The following FBXL7 variants were observed in gnomAD, a reference collection of about 807,000 sequenced individuals.
FBXL7 encodes F-box and leucine rich repeat protein 7.
FBXL7 carries 12 observed loss-of-function variants against 38.3 expected under a neutral mutation model. The ratio of observed to expected loss-of-function variants is 0.31; its 90% CI spans 0.20 to 0.51. The LOEUF (loss-of-function observed/expected upper bound fraction) is 0.51, where lower values mean the gene tolerates loss of function less well. FBXL7 is among the 20% of genes least tolerant of loss of function. The probability of loss-of-function intolerance (pLI) is 0.98; values close to 1 mark genes in which losing one functional copy is unlikely to be tolerated. For synonymous variants in FBXL7, 297 were observed against 300.9 expected (o/e 0.99, Z 0.13); for missense variants, 567 against 676.4 (o/e 0.84, Z 1.79).
chr5:15,916,849 T>C lies in FBXL7; in HGVS notation c.128-11041T>C, dbSNP rs76132332. On this transcript the variant is annotated intron_variant, in intron 2 of 3. Transcript: ENST00000504595. ...TAAGGAATTTATAAAGATGGGAGTA[T>C]TCCAGGGAATCCAGAATAATATGCC... is the stretch of plus-strand genomic sequence containing the variant. Among the ~76,000 whole-genome samples, 836 of 152,336 alleles carry C rather than the reference T, an allele frequency of 5.5e-3. 5 individuals carry two copies. The highest frequency in any genetic ancestry group is 0.019 in the African/African-American group (793 of 41,578).
chr5:15,810,983 C>T (rs374240644), intron 2 of FBXL7, among the ~76,000 whole-genome samples: 2 of 152,230 alleles, frequency 1.3e-5, no homozygotes, highest in East Asian at 3.9e-4. Flanking sequence ...AGCAAACACA[C>T]AAATTGATGC....
At chr5:15,781,681 A>AT (rs1469671046) in intron 2 of FBXL7, among the ~76,000 whole-genome samples, 1 of 152,130 alleles carries the variant, frequency 6.6e-6, no homozygotes, top group Non-Finnish European at 1.5e-5. Context: ...GATTTTTTTA[A>AT]TAAAAAGTAC....
intron 2 of FBXL7, among the ~76,000 whole-genome samples, chr5:15,770,553 A>T (rs1032828459): frequency 1.3e-5 from 2 of 152,190 alleles, no homozygotes; most frequent in African/African-American, 4.8e-5. Flanking sequence ...TAAACGAACG[A>T]GTAGCTACTA....
chr5:15,784,474 A>T (rs1161351552), intron 2 of FBXL7, among the ~76,000 whole-genome samples: 5 of 152,136 alleles, frequency 3.3e-5, no homozygotes, highest in Non-Finnish European at 5.9e-5. Flanking sequence ...AGAATATGTA[A>T]GAATATTGAT....
chr5:15,896,284 T>G (rs1741102229), intron 2 of FBXL7, among the ~76,000 whole-genome samples: 1 of 152,140 alleles, frequency 6.6e-6, no homozygotes, highest in African/African-American at 2.4e-5. Flanking sequence ...CCTCGTCTAC[T>G]TTTGACCTTA....
At chr5:15,716,454 C>T (rs1744046636) in intron 2 of FBXL7, among the ~76,000 whole-genome samples, 1 of 152,110 alleles carries the variant, frequency 6.6e-6, no homozygotes, top group Non-Finnish European at 1.5e-5. Context: ...CATTGCTGCC[C>T]CCTCTGTGTC....
intron 2 of FBXL7, among the ~76,000 whole-genome samples, chr5:15,906,436 A>ATTTT (rs70938032): frequency 7.9e-6 from 1 of 125,936 alleles, no homozygotes; most frequent in Non-Finnish European, 1.6e-5. Context: ...ACCTAGAAGG[A>ATTTT]TTTTTTTTTT....
intron 1 of FBXL7, among the ~76,000 whole-genome samples, chr5:15,554,175 T>G (rs1430645793): frequency 6.6e-6 from 1 of 152,144 alleles, no homozygotes; most frequent in African/African-American, 2.4e-5. Flanking sequence ...ATCTTGAGAA[T>G]GGATTTGTTG....
intron 2 of FBXL7, among the ~76,000 whole-genome samples, chr5:15,876,332 G>C (rs1372428043): frequency 6.6e-6 from 1 of 151,914 alleles, no homozygotes; most frequent in Non-Finnish European, 1.5e-5. Flanking sequence ...AAACCACCAT[G>C]GCACATGTAT....
chr5:15,568,328 T>G (rs1364286188), intron 1 of FBXL7, among the ~76,000 whole-genome samples: 1 of 152,240 alleles, frequency 6.6e-6, no homozygotes, highest in Non-Finnish European at 1.5e-5. Flanking sequence ...GGTTTTGATT[T>G]GCATTTCTCT....
chr5:15,672,058 A>G (rs1017658211), intron 2 of FBXL7, among the ~76,000 whole-genome samples: 5 of 152,212 alleles, frequency 3.3e-5, no homozygotes, highest in Non-Finnish European at 2.9e-5. Context: ...TCAAAATTAG[A>G]TAAAAGCAAC....
intron 2 of FBXL7, among the ~76,000 whole-genome samples, chr5:15,630,385 C>T (rs1740958314): frequency 6.6e-6 from 1 of 151,742 alleles, no homozygotes; most frequent in South Asian, 2.1e-4. Context: ...CAAATTAGAG[C>T]TTGTGATTTT....
rs1476327969 is a variant in FBXL7, at chr5:15,830,837, G to A, written c.128-97053G>A. On this transcript the variant is annotated intron_variant, in intron 2 of 3. Transcript: ENST00000504595. ...AGTGGGGATGCCAGGGCAGCACCCA[G>A]TCCCAGCACTCAGGCTCAACTCCAA... is the stretch of plus-strand genomic sequence containing the variant. Among the ~76,000 whole-genome samples the A allele has an allele frequency of 2.0e-5, 3 of 152,256 alleles. No homozygotes were observed. In the East Asian group the frequency reaches 5.8e-4, roughly 30 times the overall value.
chr5:15,822,466 C>A (rs1296614578), intron 2 of FBXL7, among the ~76,000 whole-genome samples: 2 of 152,226 alleles, frequency 1.3e-5, no homozygotes, highest in East Asian at 3.9e-4. Flanking sequence ...AGCCTTTCCT[C>A]CCTAGAAATT....
chr5:15,926,889 G>A (rs908406997), intron 2 of FBXL7, among the ~76,000 whole-genome samples: 7 of 151,964 alleles, frequency 4.6e-5, no homozygotes, highest in African/African-American at 1.7e-4. Flanking sequence ...GGCAGCAGGT[G>A]TCCTCTGCGC....
chr5:15,663,370 A>G (rs1004936558), intron 2 of FBXL7, among the ~76,000 whole-genome samples: 11 of 152,084 alleles, frequency 7.2e-5, no homozygotes, highest in Non-Finnish European at 1.3e-4. Flanking sequence ...ACTTTACTGA[A>G]GTTTTTATCA....
chr5:15,595,736 A>T (rs1739608172), intron 1 of FBXL7, among the ~76,000 whole-genome samples: 3 of 152,190 alleles, frequency 2.0e-5, no homozygotes, highest in Admixed American at 1.3e-4. Context: ...AGTAGCAAAA[A>T]GATGTAAATC....
At chr5:15,874,700 T>C (rs988428290) in intron 2 of FBXL7, among the ~76,000 whole-genome samples, 1 of 152,126 alleles carries the variant, frequency 6.6e-6, no homozygotes, top group Admixed American at 6.5e-5. Flanking sequence ...GGAATACAAC[T>C]TACAAGGGAT....
At chr5:15,934,709 T>A (rs565250966) in intron 3 of FBXL7, among the ~76,000 whole-genome samples, 1 of 152,288 alleles carries the variant, frequency 6.6e-6, no homozygotes, top group Non-Finnish European at 1.5e-5. Context: ...GTAGGTATAC[T>A]TCAGCCAAGG....
Sources: gnomAD v4.1 joint callset for allele counts (sites outside exome capture counted in the v4.1 genomes callset) on GRCh38, gnomAD v4.1.1 for gene constraint, MANE v1.5 for transcripts, NCBI Gene and HGNC (gene_info 2026-07-23, HGNC 2026-07-21) for gene names.